Variants in CABIN1 observed in about 807,000 individuals in gnomAD.
The protein encoded by CABIN1 is calcineurin-binding protein cabin-1.
CABIN1 carries 133 observed loss-of-function variants against 227.7 expected under a neutral mutation model. That is an observed-to-expected ratio of 0.58 (90% CI 0.51 to 0.67). CABIN1 has a LOEUF of 0.67. CABIN1 is among the 30% of genes least tolerant of loss of function. The pLI is 0.00. For synonymous variants in CABIN1, 1,086 were observed against 1,155.1 expected, an observed-to-expected ratio of 0.94 and a Z score of 1.21; for missense variants, 2,408 against 2,852.5, an observed-to-expected ratio of 0.84 and a Z score of 3.55.
At chr22:24,129,604 A>T (rs2043944093) in intron 28 of CABIN1, among the ~76,000 whole-genome samples, 1 of 152,212 alleles carries the variant, frequency 6.6e-6, no homozygotes. Context: ...GCTTCAAACT[A>T]GACTTGTCCT....
chr22:24,060,259 C>G, intron 12 of CABIN1, 118 bp downstream of exon 12: 1 of 1,033,668 alleles, frequency 9.7e-7, no homozygotes, highest in South Asian at 1.4e-5. Context: ...GGGCCTGGAA[C>G]CTGGTTTTTT....
chr22:24,161,190 G>C (rs1602422728), intron 29 of CABIN1, among the ~76,000 whole-genome samples: 1 of 152,226 alleles, frequency 6.6e-6, no homozygotes, highest in African/African-American at 2.4e-5. Context: ...CGTTCTGAAG[G>C]GTTGGGGGAT....
At chr22:24,066,075 T>C (rs2039655861) in intron 15 of CABIN1, among the ~76,000 whole-genome samples, 1 of 152,126 alleles carries the variant, frequency 6.6e-6, no homozygotes, top group African/African-American at 2.4e-5. Context: ...AGGTTTTAAA[T>C]GGTATTTTTT....
intron 1 of CABIN1, among the ~76,000 whole-genome samples, chr22:24,019,331 C>T (rs530762871): frequency 1.3e-5 from 2 of 151,126 alleles, no homozygotes; most frequent in African/African-American, 4.9e-5. Flanking sequence ...AGGGTTTCAC[C>T]ATGTTGGTCA....
chr22:24,156,652 G>C (rs761063856), intron 29 of CABIN1: 4 of 152,300 alleles, frequency 2.6e-5, no homozygotes, highest in Non-Finnish European at 5.9e-5. Flanking sequence ...GTGCTGTGCG[G>C]GGACAGGAAG....
At chr22:24,109,237 T>C (rs1050606730) in intron 26 of CABIN1, among the ~76,000 whole-genome samples, 2 of 151,594 alleles carry the variant, frequency 1.3e-5, no homozygotes, top group African/African-American at 4.8e-5. Flanking sequence ...TTTTTTTTTT[T>C]AGACAGGGTC....
intron 29 of CABIN1, among the ~76,000 whole-genome samples, chr22:24,149,710 A>C (rs914397163): frequency 1.3e-5 from 2 of 152,230 alleles, no homozygotes; most frequent in Admixed American, 1.3e-4. Flanking sequence ...CTGGAGAACT[A>C]TAGAGTTCTC....
intron 23 of CABIN1, among the ~76,000 whole-genome samples, chr22:24,088,197 C>G (rs1203385239): frequency 6.6e-6 from 1 of 152,122 alleles, no homozygotes; most frequent in East Asian, 1.9e-4. Context: ...AGTGAAGGAG[C>G]CATACTGACA....
chr22:24,113,842 G>A, intron 27 of CABIN1, 94 bp downstream of exon 27: 7 of 1,382,212 alleles, frequency 5.1e-6, no homozygotes, highest in Non-Finnish European at 7.2e-6. Flanking sequence ...GACCTTGGCT[G>A]GGCAAGTCAC....
intron 29 of CABIN1, among the ~76,000 whole-genome samples, chr22:24,139,542 G>T (rs982863594): frequency 6.6e-6 from 1 of 151,850 alleles, no homozygotes; most frequent in African/African-American, 2.4e-5. Context: ...CTCCAGCCTG[G>T]GCGACAGAGC....
At chr22:24,074,057 A>G (rs576857892) in intron 18 of CABIN1, among the ~76,000 whole-genome samples, 2 of 151,960 alleles carry the variant, frequency 1.3e-5, no homozygotes, top group Non-Finnish European at 2.9e-5. Flanking sequence ...GAATATCTTT[A>G]GAGCTCTTGA....
intron 13 of CABIN1, 127 bp from the exon 14 acceptor site, chr22:24,062,832 C>A: frequency 1.1e-6 from 1 of 886,964 alleles, no homozygotes; most frequent in Non-Finnish European, 1.9e-6. Flanking sequence ...AGCTGTAGGG[C>A]TCTGAGGGGC....
intron 1 of CABIN1, among the ~76,000 whole-genome samples, chr22:24,013,285 C>T (rs2034977285): frequency 6.6e-6 from 1 of 150,718 alleles, no homozygotes; most frequent in Non-Finnish European, 1.5e-5. Context: ...CAAGCTCCGC[C>T]GCCTGGGTTC....
At chr22:24,155,223 C>G (rs1326813732) in intron 29 of CABIN1, among the ~76,000 whole-genome samples, 4 of 152,124 alleles carry the variant, frequency 2.6e-5, no homozygotes, top group Admixed American at 6.5e-5. Context: ...CTGTGAGTAC[C>G]AGGGGCATTG....
chr22:24,114,192 T>G (rs1015547614), intron 27 of CABIN1, among the ~76,000 whole-genome samples: 2 of 152,162 alleles, frequency 1.3e-5, no homozygotes, highest in Non-Finnish European at 1.5e-5. Flanking sequence ...CTCTCTTTTT[T>G]GGGGAGGGGG....
intron 9 of CABIN1, 84 bp from the exon 10 acceptor site, chr22:24,056,108 A>G (rs896027743): frequency 1.7e-6 from 2 of 1,170,244 alleles, no homozygotes; most frequent in African/African-American, 3.0e-5. Context: ...TAGATTTATA[A>G]AAGAGGGAGA....
At chr22:24,071,548 C>T (rs2040087087) in intron 17 of CABIN1, among the ~76,000 whole-genome samples, 1 of 152,064 alleles carries the variant, frequency 6.6e-6, no homozygotes, top group Non-Finnish European at 1.5e-5. Context: ...AAATCTATAT[C>T]CTCACCCCTC....
At chr22:24,120,324 C>T (rs176161) in intron 28 of CABIN1, among the ~76,000 whole-genome samples, 8,809 of 152,276 alleles carry the variant, frequency 0.058, 307 homozygotes, top group South Asian at 0.11. Flanking sequence ...ACAGCTGTGC[C>T]CCAGGCTTAA....
At chr22:24,172,516 C>T (rs938712052) in intron 34 of CABIN1, among the ~76,000 whole-genome samples, 2 of 152,158 alleles carry the variant, frequency 1.3e-5, no homozygotes, top group African/African-American at 4.8e-5. Flanking sequence ...CATCTTGCCT[C>T]ATGGGCAAGA....
Sources: allele counts gnomAD v4.1 joint callset (sites outside exome capture counted in the v4.1 genomes callset), GRCh38; gene constraint gnomAD v4.1.1; transcripts MANE v1.5; gene names NCBI Gene and HGNC (gene_info 2026-07-23, HGNC 2026-07-21).